Variants in CAPN2 observed in about 807,000 individuals in gnomAD.
The protein encoded by CAPN2 is calpain 2, also known as calpain-2 catalytic subunit.
Under a neutral mutation model 102.3 loss-of-function variants are expected in CAPN2, and 92 were observed. That is an observed-to-expected ratio of 0.90 (90% CI 0.76 to 1.07). The LOEUF (loss-of-function observed/expected upper bound fraction) is 1.07, where lower values mean the gene tolerates loss of function less well. Among genes scored for constraint, CAPN2 ranks in the 50% least tolerant of loss-of-function variants. The probability of loss-of-function intolerance (pLI) is 0.00; values close to 1 mark genes in which losing one functional copy is unlikely to be tolerated. For missense variants in CAPN2, 800 were observed against 909.4 expected (o/e 0.88, Z 1.55); for synonymous variants, 340 against 355.4 (o/e 0.96, Z 0.49).
intron 14 of CAPN2, 66 bp from the exon 15 acceptor site, chr1:223,764,084 T>TA: frequency 7.9e-7 from 1 of 1,268,862 alleles, no homozygotes; most frequent in Non-Finnish European, 1.2e-6. Context: ...TGCACTGGTG[T>TA]CCTGCCCTGT....
chr1:223,711,589 T>C (rs1425074663), upstream of CAPN2, among the ~76,000 whole-genome samples: 1 of 151,624 alleles, frequency 6.6e-6, no homozygotes, highest in East Asian at 1.9e-4. Context: ...GGGAGGGTTG[T>C]TGTTTTATTG....
At chr1:223,750,738 C>A (rs1660865502) in intron 6 of CAPN2, 152 bp from the exon 7 acceptor site, 2 of 659,926 alleles carry the variant, frequency 3.0e-6, no homozygotes, top group Non-Finnish European at 5.5e-6. Flanking sequence ...CTCTTGTGAT[C>A]CTCCCTCATA....
rs770107837 is a variant in CAPN2, at chr1:223,726,923, G to C, written c.307+9092G>C. On this transcript the variant is annotated intron_variant, in intron 2 of 20. Coordinates refer to ENST00000295006, the MANE Select transcript of CAPN2 (RefSeq NM_001748.5). The surrounding 1 kb of genome is among the most constrained non-coding windows in gnomAD (Gnocchi z 4.4). ...CCTCTCGCAGGCCTAGCACGCTGGC[G>C]GGGTGTGCATTTCCTCTAGAGAAGC... Among the ~76,000 whole-genome samples the C allele has an allele frequency of 6.6e-6, 1 of 152,048 alleles. No individual in the cohort carries two copies. Among genetic ancestry groups the C allele is most frequent in the African/African-American group, 2.4e-5 (1 of 41,310 alleles).
At chr1:223,770,203 A>G (rs1008059934) in intron 17 of CAPN2, 6 of 581,298 alleles carry the variant, frequency 1.0e-5, no homozygotes, top group Admixed American at 3.0e-5. Context: ...CAAAAATTAT[A>G]TAAGACAAGA....
chr1:223,770,888 G>T, intron 18 of CAPN2: 1 of 169,738 alleles, frequency 5.9e-6, no homozygotes. Context: ...TAGCAGAATT[G>T]GATATCAATA....
At chr1:223,745,748 T>A (rs890814775) in intron 4 of CAPN2, among the ~76,000 whole-genome samples, 1 of 152,250 alleles carries the variant, frequency 6.6e-6, no homozygotes, top group Non-Finnish European at 1.5e-5. Context: ...CACTGTACGC[T>A]GATAAATGAT....
intron 5 of CAPN2, among the ~76,000 whole-genome samples, chr1:223,747,401 C>T (rs997335542): frequency 2.6e-5 from 4 of 152,200 alleles, no homozygotes; most frequent in Non-Finnish European, 5.9e-5. Context: ...AGGGGAGAAT[C>T]ACAAGAGATT....
intron 2 of CAPN2, among the ~76,000 whole-genome samples, chr1:223,732,120 G>T (rs555514748): frequency 1.3e-5 from 2 of 152,232 alleles, no homozygotes; most frequent in African/African-American, 2.4e-5. Context: ...GTCACGGTGT[G>T]GGGGTGGAGA....
At chr1:223,729,957 G>A (rs114660227) in intron 2 of CAPN2, among the ~76,000 whole-genome samples, 2,115 of 132,510 alleles carry the variant, frequency 0.016, 28 homozygotes, top group Non-Finnish European at 0.019. Context: ...AGCCAGGATT[G>A]CACCACTGCA....
chr1:223,710,173 G>A (rs1473008596), upstream of CAPN2, among the ~76,000 whole-genome samples: 4 of 152,124 alleles, frequency 2.6e-5, no homozygotes, highest in African/African-American at 9.7e-5. Context: ...CTACGTTGGA[G>A]GCTGAGGCAG....
rs1440915224 is a variant in CAPN2 at position 223,759,444 on chromosome 1, T to A, written c.1492T>A (p.Cys498Ser). The A allele has an allele frequency of 1.2e-6, 2 of 1,614,202 alleles. No individual in the cohort carries two copies. The highest frequency in any genetic ancestry group is 1.7e-6 in the Non-Finnish European group (2 of 1,180,038). The change falls in exon 12 of 21, where the codon TGC becomes AGC. Residue 498 changes from cysteine to serine, a missense_variant. Coordinates refer to ENST00000295006, the MANE Select transcript of CAPN2 (RefSeq NM_001748.5). This position sits in a 1 kb window ranked among gnomAD's most constrained non-coding sequence, Gnocchi z 4.6. Reference protein sequence around the residue: ...TFEPNKDGDFCIRVFSEKKAD... With the variant: ...TFEPNKDGDFSIRVFSEKKAD... ...CGAACCCAACAAGGATGGGGATTTC[T>A]GCATCCGGGTCTTTTCTGAAAAGAA...
At chr1:223,752,661 C>G (rs1351041013) in intron 8 of CAPN2, 135 bp from the exon 9 acceptor site, 2 of 720,352 alleles carry the variant, frequency 2.8e-6, no homozygotes, top group East Asian at 2.7e-5. Context: ...GATTCTGAAC[C>G]TGGTGCCCAT....
At chr1:223,748,200 C>T (rs559826421) in intron 5 of CAPN2, among the ~76,000 whole-genome samples, 2 of 152,200 alleles carry the variant, frequency 1.3e-5, no homozygotes, top group Non-Finnish European at 2.9e-5. Flanking sequence ...TGGCAACGCT[C>T]ACCAGGGGAT....
At chr1:223,757,468 C>G in intron 11 of CAPN2, 88 bp downstream of exon 11, 2 of 1,440,266 alleles carry the variant, frequency 1.4e-6, no homozygotes, top group Non-Finnish European at 9.8e-7. Flanking sequence ...TCGTGAAGCC[C>G]GGGCAGGGGC....
chr1:223,757,346 A>G (rs28370102), intron 10 of CAPN2, 23 bp from the exon 11 acceptor site: 2 of 1,614,134 alleles, frequency 1.2e-6, no homozygotes, highest in Non-Finnish European at 8.5e-7. Context: ...CGGCATCTGA[A>G]TTGCATCTCC....
chr1:223,708,478 A>C (rs1397722259), upstream of CAPN2, among the ~76,000 whole-genome samples: 2 of 151,762 alleles, frequency 1.3e-5, no homozygotes, highest in Non-Finnish European at 2.9e-5. Flanking sequence ...AGAAAGAAAG[A>C]CTATTGCAGG....
chr1:223,769,876 C>A lies in CAPN2; in HGVS notation c.1791C>A (p.Phe597Leu). ...GTGGCAAGCTGGGGCTGAAGGAGTT[C>A]TACATTCTCTGGACGAAGATTCAAA... ...DGSGKLGLKE[F>L]YILWTKIQKY... is the part of the protein sequence containing the mutation. The change falls in exon 17 of 21, where the codon TTC becomes TTA. Residue 597 changes from phenylalanine (F) to leucine (L), a missense_variant. Coordinates refer to ENST00000295006, the MANE Select transcript of CAPN2 (RefSeq NM_001748.5). 1.9e-6 allele frequency: 3 copies of A among 1,608,410 alleles called. No individual in the cohort carries two copies. Among genetic ancestry groups the A allele is most frequent in the Non-Finnish European group, 1.7e-6 (2 of 1,177,278 alleles).
At chr1:223,722,741 C>T (rs1389136530) in intron 2 of CAPN2, among the ~76,000 whole-genome samples, 1 of 152,080 alleles carries the variant, frequency 6.6e-6, no homozygotes, top group African/African-American at 2.4e-5. Flanking sequence ...CCAGTTTCCC[C>T]TATTATTAAC....
intron 2 of CAPN2, among the ~76,000 whole-genome samples, chr1:223,728,902 C>T (rs1041984838): frequency 2.0e-5 from 3 of 152,198 alleles, no homozygotes; most frequent in African/African-American, 7.2e-5. Context: ...ATTCAGCCAG[C>T]TTTACTGGGC....
Sources: gnomAD v4.1 joint callset for allele counts (sites outside exome capture counted in the v4.1 genomes callset) on GRCh38, gnomAD v4.1.1 for gene constraint, Gnocchi (gnomAD v3.1) non-coding constraint, MANE v1.5 for transcripts, NCBI Gene and HGNC (gene_info 2026-07-23, HGNC 2026-07-21) for gene names.